Variants in GRID1 observed in about 807,000 individuals in gnomAD.
The protein encoded by GRID1 is glutamate receptor ionotropic, delta-1.
A neutral mutation model predicts 98.0 loss-of-function variants in GRID1; 28 were observed. The observed-to-expected ratio is 0.29, with a 90% confidence interval of 0.21 to 0.39. GRID1 has a LOEUF of 0.39. Ranked by LOEUF, GRID1 falls within the 10% of genes least tolerant of loss-of-function variation. The pLI is 1.00. For missense variants in GRID1, 1,111 were observed against 1,340.5 expected (o/e 0.83, Z 2.67); for synonymous variants, 553 against 538.5 (o/e 1.03, Z -0.37).
At chr10:86,025,460 C>T (rs1352678926) in intron 4 of GRID1, among the ~76,000 whole-genome samples, 1 of 152,172 alleles carries the variant, frequency 6.6e-6, no homozygotes, top group Non-Finnish European at 1.5e-5. Context: ...ATTGGCTTCC[C>T]CCTTGTAGCT....
At chr10:85,968,436 G>A (rs7081064) in intron 4 of GRID1, among the ~76,000 whole-genome samples, 9,067 of 121,882 alleles carry the variant, frequency 0.074, 954 homozygotes, top group African/African-American at 0.26. Flanking sequence ...GGACGACACA[G>A]CAAGACTCTG....
At chr10:86,004,060 A>G (rs1250858652) in intron 4 of GRID1, among the ~76,000 whole-genome samples, 2 of 152,182 alleles carry the variant, frequency 1.3e-5, no homozygotes, top group Non-Finnish European at 2.9e-5. Flanking sequence ...CCTCACTGCT[A>G]CCCTGTAAGA....
At chr10:85,730,837 C>A (rs1387973091) in intron 8 of GRID1, among the ~76,000 whole-genome samples, 1 of 152,184 alleles carries the variant, frequency 6.6e-6, no homozygotes, top group African/African-American at 2.4e-5. Flanking sequence ...TTATTCATGT[C>A]TAACAAGCTC....
At chr10:86,331,262 G>C (rs748754018) in intron 2 of GRID1, among the ~76,000 whole-genome samples, 2 of 152,152 alleles carry the variant, frequency 1.3e-5, no homozygotes, top group Non-Finnish European at 2.9e-5. Flanking sequence ...TTCTCACTGG[G>C]CATTCCAGCC....
intron 8 of GRID1, among the ~76,000 whole-genome samples, chr10:85,781,053 G>C (rs975749550): frequency 2.0e-5 from 3 of 152,184 alleles, no homozygotes; most frequent in African/African-American, 7.2e-5. Flanking sequence ...GGGAAGGAAT[G>C]ATTTTCTCTA....
At chr10:85,946,728 T>C (rs1842058098) in intron 4 of GRID1, among the ~76,000 whole-genome samples, 1 of 152,074 alleles carries the variant, frequency 6.6e-6, no homozygotes, top group African/African-American at 2.4e-5. Flanking sequence ...AGAAATTGTC[T>C]TCAGTTTCAT....
intron 8 of GRID1, among the ~76,000 whole-genome samples, chr10:85,757,400 G>A (rs1303081464): frequency 6.6e-6 from 1 of 152,256 alleles, no homozygotes; most frequent in Non-Finnish European, 1.5e-5. Flanking sequence ...CATGGGTGGA[G>A]TGAGGGCAGA....
intron 2 of GRID1, among the ~76,000 whole-genome samples, chr10:86,360,512 G>A (rs1447975333): frequency 6.6e-6 from 1 of 151,992 alleles, no homozygotes; most frequent in East Asian, 1.9e-4. Context: ...TTTATAATCA[G>A]GGAAAAAAGT....
chr10:85,676,874 T>G (rs1200036673), intron 12 of GRID1, among the ~76,000 whole-genome samples: 1 of 152,254 alleles, frequency 6.6e-6, no homozygotes, highest in Non-Finnish European at 1.5e-5. Flanking sequence ...TTAAGCACAA[T>G]TAGTCACTGG....
chr10:85,975,886 T>C (rs1172500596), intron 4 of GRID1, among the ~76,000 whole-genome samples: 1 of 152,232 alleles, frequency 6.6e-6, no homozygotes, highest in African/African-American at 2.4e-5. Flanking sequence ...ATGAAAAATA[T>C]TAACATATTT....
intron 3 of GRID1, among the ~76,000 whole-genome samples, chr10:86,168,869 C>A (rs1226817021): frequency 6.6e-6 from 1 of 152,178 alleles, no homozygotes; most frequent in Non-Finnish European, 1.5e-5. Flanking sequence ...GTGACAGCAC[C>A]ATTCAGGGAG....
chr10:86,224,110 G>A (rs1196354113), intron 2 of GRID1, among the ~76,000 whole-genome samples: 2 of 152,184 alleles, frequency 1.3e-5, no homozygotes, highest in African/African-American at 2.4e-5. Flanking sequence ...ACTGTACTCC[G>A]GTTTCACCCC....
chr10:85,731,871 G>C (rs1365948791), intron 8 of GRID1, among the ~76,000 whole-genome samples: 1 of 143,952 alleles, frequency 6.9e-6, no homozygotes. Context: ...GAGGGAGGAA[G>C]GGATAAAGAA....
chr10:86,362,217 C>T (rs1300267237), intron 2 of GRID1, among the ~76,000 whole-genome samples: 1 of 152,180 alleles, frequency 6.6e-6, no homozygotes, highest in Non-Finnish European at 1.5e-5. Flanking sequence ...GAACAGGTGG[C>T]ACTGTGAAAG....
chr10:86,021,338 T>C (rs904944369), intron 4 of GRID1, among the ~76,000 whole-genome samples: 15 of 152,282 alleles, frequency 9.9e-5, no homozygotes, highest in African/African-American at 3.4e-4. Context: ...TGCTCAACAA[T>C]GCTGTGATCT....
chr10:85,973,432 C>G (rs1317671677), intron 4 of GRID1, among the ~76,000 whole-genome samples: 3 of 152,096 alleles, frequency 2.0e-5, no homozygotes, highest in Admixed American at 6.5e-5. Context: ...TCCTTCTTTT[C>G]TCCATGGTAT....
chr10:86,315,980 C>T (rs1035928620), intron 2 of GRID1, among the ~76,000 whole-genome samples: 11 of 152,066 alleles, frequency 7.2e-5, no homozygotes, highest in Non-Finnish European at 1.3e-4. Flanking sequence ...AACCCATCCA[C>T]TCATCCATCT....
At chr10:85,865,714 A>G (rs1843208311) in intron 6 of GRID1, among the ~76,000 whole-genome samples, 2 of 151,822 alleles carry the variant, frequency 1.3e-5, no homozygotes, top group African/African-American at 4.8e-5. Flanking sequence ...TCATTAAGAA[A>G]GAAAGAAGTG....
At chr10:85,742,624 C>T (rs1841955335) in intron 8 of GRID1, among the ~76,000 whole-genome samples, 1 of 152,156 alleles carries the variant, frequency 6.6e-6, no homozygotes, top group African/African-American at 2.4e-5. Flanking sequence ...TATGCTTACC[C>T]ATTTTCACGG....
Sources: allele counts gnomAD v4.1 joint callset (sites outside exome capture counted in the v4.1 genomes callset), GRCh38; gene constraint gnomAD v4.1.1; transcripts MANE v1.5; gene names NCBI Gene and HGNC (gene_info 2026-07-23, HGNC 2026-07-21).